RAD51B: variants seen among roughly 807,000 people sequenced by gnomAD.
RAD51B encodes DNA repair protein RAD51 homolog 2.
Under a neutral mutation model 42.2 loss-of-function variants are expected in RAD51B, and 38 were observed. That is an observed-to-expected ratio of 0.90 (90% CI 0.70 to 1.18). The LOEUF is 1.18. Ranked by LOEUF, RAD51B falls within the 50% of genes most tolerant of loss-of-function variation. The pLI is 0.00. For missense variants in RAD51B, 373 were observed against 400.7 expected (o/e 0.93, Z 0.59); for synonymous variants, 154 against 145.2 (o/e 1.06, Z -0.43).
chr14:68,307,820 G>A (rs566611325), intron 8 of RAD51B, among the ~76,000 whole-genome samples: 1 of 152,196 alleles, frequency 6.6e-6, no homozygotes, highest in East Asian at 1.9e-4. Flanking sequence ...CTGTAAGCTA[G>A]TATCAAATCA....
At chr14:67,822,864 T>C (rs1335421713) in intron 1 of RAD51B, among the ~76,000 whole-genome samples, 1 of 152,180 alleles carries the variant, frequency 6.6e-6, no homozygotes, top group Non-Finnish European at 1.5e-5. Flanking sequence ...CAGTAGAGTG[T>C]AATGGTTAAG....
chr14:67,885,660 C>T (rs1010377826), intron 5 of RAD51B: 19 of 362,578 alleles, frequency 5.2e-5, no homozygotes, highest in Non-Finnish European at 9.0e-5. Context: ...GATCCAACAG[C>T]CCTTGCTGGT....
intron 7 of RAD51B, among the ~76,000 whole-genome samples, chr14:68,184,625 C>CAAAAAAAAAAAAAAAAAAAAAAAAA (rs3073458): frequency 1.5e-5 from 2 of 132,388 alleles, no homozygotes; most frequent in Non-Finnish European, 1.6e-5. Context: ...AAAAAAAAAC[C>CAAAAAAAAAAAAAAAAAAAAAAAAA]AAAAAAAAAA....
intron 7 of RAD51B, among the ~76,000 whole-genome samples, chr14:68,209,355 G>A (rs2079655401): frequency 6.6e-6 from 1 of 152,180 alleles, no homozygotes; most frequent in African/African-American, 2.4e-5. Context: ...CAGTGACAGA[G>A]GGCACAGCAG....
chr14:68,409,298 A>G (rs913792463), intron 8 of RAD51B, among the ~76,000 whole-genome samples: 27 of 152,212 alleles, frequency 1.8e-4, no homozygotes, highest in Non-Finnish European at 3.5e-4. Context: ...GAAAATGAAA[A>G]GTTAGACTGA....
intron 7 of RAD51B, among the ~76,000 whole-genome samples, chr14:67,931,061 C>T (rs2044713813): frequency 6.6e-6 from 1 of 152,122 alleles, no homozygotes; most frequent in African/African-American, 2.4e-5. Flanking sequence ...GCTGGGACTA[C>T]AGGAGCCTGC....
intron 10 of RAD51B, among the ~76,000 whole-genome samples, chr14:68,575,729 G>C (rs1489820879): frequency 6.6e-6 from 1 of 152,194 alleles, no homozygotes; most frequent in Non-Finnish European, 1.5e-5. Flanking sequence ...GCCCCAGTTG[G>C]CAGCCAAGTT....
chr14:68,576,748 G>T (rs534787104), intron 10 of RAD51B, among the ~76,000 whole-genome samples: 2 of 152,264 alleles, frequency 1.3e-5, no homozygotes, highest in Admixed American at 1.3e-4. Flanking sequence ...TTGGACTCAC[G>T]CAGGGGCATG....
chr14:68,193,265 A>C (rs757735851), intron 7 of RAD51B, among the ~76,000 whole-genome samples: 10 of 152,234 alleles, frequency 6.6e-5, no homozygotes, highest in Non-Finnish European at 1.2e-4. Context: ...TATATCATTA[A>C]ATTTCCTCCC....
chr14:68,075,631 A>G (rs2076820650), intron 7 of RAD51B, among the ~76,000 whole-genome samples: 1 of 152,150 alleles, frequency 6.6e-6, no homozygotes, highest in African/African-American at 2.4e-5. Flanking sequence ...CTGCAGTGGC[A>G]GTGACAGAGG....
chr14:68,375,402 C>T (rs569892497), intron 8 of RAD51B, among the ~76,000 whole-genome samples: 39 of 152,210 alleles, frequency 2.6e-4, no homozygotes, highest in South Asian at 8.3e-4. Context: ...GGTTAAATCA[C>T]GATTTTATTT....
chr14:68,275,838 A>ACACACC (rs1408523468), intron 7 of RAD51B, among the ~76,000 whole-genome samples: 61 of 143,164 alleles, frequency 4.3e-4, no homozygotes, highest in African/African-American at 1.6e-3. Context: ...ACACACACAC[A>ACACACC]CACCCTTGAA....
chr14:68,563,807 A>G, intron 10 of RAD51B: 1 of 985,178 alleles, frequency 1.0e-6, no homozygotes, highest in Non-Finnish European at 1.2e-6. Flanking sequence ...CAGCTCGGTA[A>G]TGAGCAGTCC....
chr14:67,871,212 A>G (rs1480042728), intron 5 of RAD51B, among the ~76,000 whole-genome samples: 2 of 152,108 alleles, frequency 1.3e-5, no homozygotes, highest in Non-Finnish European at 2.9e-5. Flanking sequence ...AGAAAAAAAG[A>G]GAGAAGAATC....
chr14:67,872,689 T>C (rs921257173), intron 5 of RAD51B, among the ~76,000 whole-genome samples: 8 of 151,758 alleles, frequency 5.3e-5, no homozygotes, highest in Non-Finnish European at 1.0e-4. Context: ...CTTCAAACTA[T>C]ACTACAAGGC....
At chr14:68,186,225 A>C (rs766129007) in intron 7 of RAD51B, among the ~76,000 whole-genome samples, 5 of 152,230 alleles carry the variant, frequency 3.3e-5, no homozygotes, top group Non-Finnish European at 7.4e-5. Context: ...AGATGGATTA[A>C]AGATTTAAAT....
intron 7 of RAD51B, among the ~76,000 whole-genome samples, chr14:68,146,446 A>G (rs1346127461): frequency 2.7e-5 from 4 of 149,362 alleles, no homozygotes; most frequent in African/African-American, 9.9e-5. Context: ...CCCCTCCCCC[A>G]CAAAAAAGTT....
Position 68,127,642 on chromosome 14 carries a change from CACACACACACACAT to C in RAD51B, c.757-164234_757-164221del, listed in dbSNP as rs1390533981. Among the ~76,000 whole-genome samples, 1,239 of 141,856 alleles carry C rather than the reference CACACACACACACAT, an allele frequency of 8.7e-3. 18 individuals are homozygous for C. The highest frequency in any genetic ancestry group is 0.034 in the African/African-American group (1,141 of 33,258). 93.1% of individuals were successfully genotyped at this position (141,856 alleles called of 152,430 possible). ...ACACACACACACACACACACACACA[CACACACACACACAT>C]ACACACAGTAATGCTTTTTGTCCCT... On this transcript the variant is annotated intron_variant, in intron 7 of 10. Coordinates refer to ENST00000471583, the MANE Select transcript of RAD51B (RefSeq NM_133510.4).
chr14:67,852,164 C>T (rs961018110), intron 4 of RAD51B, among the ~76,000 whole-genome samples: 5 of 152,172 alleles, frequency 3.3e-5, no homozygotes, highest in African/African-American at 4.8e-5. Context: ...GAGCCGTGAC[C>T]GACTGACCAG....
Sources: gnomAD v4.1 joint callset for allele counts (sites outside exome capture counted in the v4.1 genomes callset) on GRCh38, gnomAD v4.1.1 for gene constraint, MANE v1.5 for transcripts, NCBI Gene and HGNC (gene_info 2026-07-23, HGNC 2026-07-21) for gene names.